PRRX1: variants seen among roughly 807,000 people sequenced by gnomAD.
PRRX1 encodes paired mesoderm homeobox protein 1.
In PRRX1, 8 loss-of-function variants were observed where a neutral mutation model predicts 24.0. That is an observed-to-expected ratio of 0.33 (90% CI 0.20 to 0.60). PRRX1 has a LOEUF of 0.60. Among genes scored for constraint, PRRX1 ranks in the 20% least tolerant of loss-of-function variants. The pLI, the probability that PRRX1 is intolerant of heterozygous loss-of-function variation, is 0.82. For missense variants in PRRX1, 281 were observed against 322.4 expected (o/e 0.87, Z 0.98); for synonymous variants, 160 against 131.7 (o/e 1.22, Z -1.47).
chr1:170,665,277 G>T (rs1425147935), intron 1 of PRRX1, among the ~76,000 whole-genome samples: 1 of 152,162 alleles, frequency 6.6e-6, no homozygotes, highest in Non-Finnish European at 1.5e-5. Flanking sequence ...GCTCTTAAAC[G>T]CCCAGAAAAG....
At chr1:170,688,940 C>A (rs1296072516) in intron 1 of PRRX1, among the ~76,000 whole-genome samples, 1 of 151,910 alleles carries the variant, frequency 6.6e-6, no homozygotes, top group African/African-American at 2.4e-5. Context: ...GTTTTTAGTT[C>A]TGTGACAATA....
At chr1:170,717,365 C>A (rs1464815178) in intron 1 of PRRX1, among the ~76,000 whole-genome samples, 1 of 152,128 alleles carries the variant, frequency 6.6e-6, no homozygotes, top group Non-Finnish European at 1.5e-5. Flanking sequence ...GGTTGTAATA[C>A]TAAGAACAAA....
At chr1:170,669,004 G>A (rs1653045561) in intron 1 of PRRX1, 1 of 152,180 alleles carries the variant, frequency 6.6e-6, no homozygotes, top group African/African-American at 2.4e-5. Context: ...TTTACATGCA[G>A]AAGTAGGGGC....
At chr1:170,710,764 G>C (rs1208789693) in intron 1 of PRRX1, among the ~76,000 whole-genome samples, 1 of 152,188 alleles carries the variant, frequency 6.6e-6, no homozygotes, top group Non-Finnish European at 1.5e-5. Flanking sequence ...GCTCTCTTTT[G>C]CTCTCTCTGC....
chr1:170,734,842 G>C (rs929222959), intron 3 of PRRX1, among the ~76,000 whole-genome samples: 2 of 152,192 alleles, frequency 1.3e-5, no homozygotes, highest in South Asian at 4.2e-4. Context: ...TTGACTCCGT[G>C]GTGTCCCAAA....
At chr1:170,684,394 A>C (rs1188731518) in intron 1 of PRRX1, among the ~76,000 whole-genome samples, 1 of 152,232 alleles carries the variant, frequency 6.6e-6, no homozygotes, top group African/African-American at 2.4e-5. Flanking sequence ...TTTTAAACCC[A>C]TAAGAAACAG....
At chr1:170,674,645 C>T (rs1004882431) in intron 1 of PRRX1, among the ~76,000 whole-genome samples, 4 of 151,802 alleles carry the variant, frequency 2.6e-5, no homozygotes, top group South Asian at 2.1e-4. Context: ...TGTACAACAC[C>T]GCTGCAGTAA....
At chr1:170,671,501 C>T (rs898573382) in intron 1 of PRRX1, among the ~76,000 whole-genome samples, 1 of 152,254 alleles carries the variant, frequency 6.6e-6, no homozygotes, top group African/African-American at 2.4e-5. Context: ...TCGCCAGACG[C>T]TTTCCTCCTT....
Position 170,675,766 on chromosome 1 carries a change from G to C in PRRX1, c.241+11307G>C, listed in dbSNP as rs550024458. 3.9e-5 allele frequency among the ~76,000 whole-genome samples: 6 copies of C among 152,162 alleles called. No individual in the cohort carries two copies. In the South Asian group the frequency reaches 8.3e-4, roughly 21 times the overall value. The stretch of plus-strand genomic sequence containing the variant: ...CAAGCAAGTGGAGATTAAAACATTT[G>C]CCTGATGAATACAAATATTTTATTT... On this transcript the variant is annotated intron_variant, in intron 1 of 3. Transcript: ENST00000239461.
chr1:170,664,879 C>T (rs1045607336), intron 1 of PRRX1, among the ~76,000 whole-genome samples: 1 of 152,200 alleles, frequency 6.6e-6, no homozygotes, highest in African/African-American at 2.4e-5. Context: ...GATGCTGAGT[C>T]GGGTTGGAAG....
chr1:170,714,034 C>T (rs78481350), intron 1 of PRRX1, among the ~76,000 whole-genome samples: 3,560 of 152,282 alleles, frequency 0.023, 141 homozygotes, highest in African/African-American at 0.076. Flanking sequence ...TGGCTTTGGT[C>T]ATTGTGATGC....
At chr1:170,706,887 G>T (rs964123599) in intron 1 of PRRX1, among the ~76,000 whole-genome samples, 1 of 152,054 alleles carries the variant, frequency 6.6e-6, no homozygotes, top group Non-Finnish European at 1.5e-5. Flanking sequence ...TCAACACTTT[G>T]GGAGGCTGAG....
chr1:170,733,890 T>C (rs1009279297), intron 3 of PRRX1, among the ~76,000 whole-genome samples: 7 of 152,120 alleles, frequency 4.6e-5, no homozygotes, highest in African/African-American at 1.7e-4. Context: ...ATATATGGGC[T>C]TTGAAAATAA....
intron 1 of PRRX1, among the ~76,000 whole-genome samples, chr1:170,677,133 G>C (rs1653349347): frequency 6.6e-6 from 1 of 152,124 alleles, no homozygotes; most frequent in Non-Finnish European, 1.5e-5. Context: ...TTTAAATTTA[G>C]ATTTAGACAC....
chr1:170,683,885 G>A (rs534674480), intron 1 of PRRX1, among the ~76,000 whole-genome samples: 10 of 152,244 alleles, frequency 6.6e-5, no homozygotes, highest in African/African-American at 2.4e-4. Flanking sequence ...AAATCAGTTA[G>A]GTCTTTTCTC....
At chr1:170,681,833 C>G (rs567660502) in intron 1 of PRRX1, among the ~76,000 whole-genome samples, 1 of 151,874 alleles carries the variant, frequency 6.6e-6, no homozygotes, top group Non-Finnish European at 1.5e-5. Context: ...ATTTGCATCA[C>G]CTAATATTGA....
rs115296843 is a variant in PRRX1, at chr1:170,732,103, G to A, written c.600-3945G>A. Among the ~76,000 whole-genome samples, 973 of 152,234 alleles carry A rather than the reference G, an allele frequency of 6.4e-3. 11 individuals are homozygous for A. The highest frequency in any genetic ancestry group is 0.022 in the African/African-American group (913 of 41,546). ...AGCAGGCTTCTGGTTGTTGTCATGT[G>A]CTTAATCTGTACAAATCACTTAGCT... is the stretch of plus-strand genomic sequence containing the variant. On this transcript the variant is annotated intron_variant, in intron 3 of 3. Coordinates refer to ENST00000239461, the MANE Select transcript of PRRX1 (RefSeq NM_022716.4).
At position 170,664,181 on chromosome 1, in the gene PRRX1, C is replaced by G. The variant is rs77911930; in HGVS notation, c.-38C>G. ...CCACAGCGTTTGGTGTTGATTCGAG[C>G]GGGAAGAGGGGGGTGGGTGGGATCG... On this transcript the variant is annotated 5_prime_UTR_variant, in exon 1 of 4. Transcript: ENST00000239461. 2 of 1,579,136 alleles carry G rather than the reference C, an allele frequency of 1.3e-6. No homozygotes were observed. Among genetic ancestry groups the G allele is most frequent in the Non-Finnish European group, 1.7e-6 (2 of 1,162,356 alleles).
chr1:170,730,709 T>C (rs948338551), intron 3 of PRRX1: 1 of 222,466 alleles, frequency 4.5e-6, no homozygotes, highest in African/African-American at 2.3e-5. Context: ...TAGCGAGACT[T>C]TGTAGGTTAC....
Sources: allele counts gnomAD v4.1 joint callset (sites outside exome capture counted in the v4.1 genomes callset), GRCh38; gene constraint gnomAD v4.1.1; transcripts MANE v1.5; gene names NCBI Gene and HGNC (gene_info 2026-07-23, HGNC 2026-07-21).